The following WSB2 variants were observed in gnomAD, a reference collection of about 807,000 sequenced individuals.
WSB2 encodes the protein WD repeat and SOCS box containing 2, also known as WD repeat and SOCS box-containing protein 2.
In WSB2, 12 loss-of-function variants were observed where a neutral mutation model predicts 48.8. The ratio of observed to expected loss-of-function variants is 0.25; its 90% CI spans 0.16 to 0.40. The LOEUF (loss-of-function observed/expected upper bound fraction) is 0.40. Among genes scored for constraint, WSB2 ranks in the 10% least tolerant of loss-of-function variants. The pLI, the probability that WSB2 is intolerant of heterozygous loss-of-function variation, is 1.00. For synonymous variants in WSB2, 191 were observed against 203.1 expected (o/e 0.94, Z 0.51); for missense variants, 317 against 506.2 (o/e 0.63, Z 3.59).
At chr12:118,039,811 CCGG>C (rs2031591506) in intron 4 of WSB2, among the ~76,000 whole-genome samples, 5 of 150,808 alleles carry the variant, frequency 3.3e-5, no homozygotes, top group Admixed American at 1.3e-4. Flanking sequence ...TGGCATGATC[CCGG>C]CTCACTGCAA....
chr12:118,048,515 G>A (rs1186079184), intron 2 of WSB2, among the ~76,000 whole-genome samples: 5 of 151,716 alleles, frequency 3.3e-5, no homozygotes, highest in Non-Finnish European at 7.4e-5. Flanking sequence ...GAATCCAGGA[G>A]GCAGAGGTTA....
In WSB2 at chr12:118,060,283, C is replaced by T. The variant is rs2032036949; in HGVS notation, c.13+753G>A. ...GGCTGGCTTGAGGTATATCCAATATCCTCTGACTTCCACGCTGTCTTCTGA... is the reference window on the plus strand; with the variant it reads ...GGCTGGCTTGAGGTATATCCAATATTCTCTGACTTCCACGCTGTCTTCTGA... On this transcript the variant is annotated intron_variant, in intron 1 of 8. Transcript: ENST00000315436. The surrounding 1 kb of genome is among the most constrained non-coding windows in gnomAD (Gnocchi z 4.1). Among the ~76,000 whole-genome samples, 1 of 152,080 alleles carries T rather than the reference C, an allele frequency of 6.6e-6. No homozygotes were observed. Among genetic ancestry groups the T allele is most frequent in the South Asian group, 2.1e-4 (1 of 4,826 alleles).
At chr12:118,036,761 T>C (rs2031520558) in intron 5 of WSB2, among the ~76,000 whole-genome samples, 1 of 152,216 alleles carries the variant, frequency 6.6e-6, no homozygotes, top group Non-Finnish European at 1.5e-5. Flanking sequence ...AGATCAGCCT[T>C]AGGAAGACCC....
chr12:118,042,947 G>A lies in WSB2; in HGVS notation c.453C>T (p.Gly151=). Residue 151 remains glycine, a synonymous_variant, in exon 4 of 9, where the codon GGC becomes GGT. Transcript: ENST00000315436. ...QTGLLLLNLS[G]HQDVVRDLSF... ...TCAGATCTCTCACGACATCTTGGTG[G>A]CCGGAAAGATTCAAAAGCAGGAGCC... 1.2e-6 allele frequency: 2 copies of A among 1,614,188 alleles called. No homozygotes were observed. The highest frequency in any genetic ancestry group is 1.7e-6 in the Non-Finnish European group (2 of 1,180,044).
chr12:118,061,460 T>G (rs1593478096), upstream of WSB2, among the ~76,000 whole-genome samples: 1 of 143,742 alleles, frequency 7.0e-6, no homozygotes, highest in African/African-American at 2.6e-5. Context: ...TTGTGCGGGG[T>G]CCTGAGGGGA....
intron 2 of WSB2, among the ~76,000 whole-genome samples, chr12:118,048,706 A>C (rs760295592): frequency 4.6e-5 from 7 of 152,110 alleles, no homozygotes; most frequent in Non-Finnish European, 1.0e-4. Flanking sequence ...ATACTCAAAT[A>C]CCTTTTTTCA....
chr12:118,056,808 G>A (rs186449120), intron 1 of WSB2, among the ~76,000 whole-genome samples: 389 of 152,194 alleles, frequency 2.6e-3, no homozygotes, highest in Non-Finnish European at 4.5e-3. Context: ...GGCTGAGGCA[G>A]GAGAATCACT....
intron 2 of WSB2, 64 bp downstream of exon 2, chr12:118,052,246 A>G (rs987210342): frequency 1.3e-6 from 2 of 1,573,092 alleles, no homozygotes; most frequent in Admixed American, 1.8e-5. Flanking sequence ...GGGCACAGAG[A>G]TGGCAAAAGA....
intron 1 of WSB2, among the ~76,000 whole-genome samples, chr12:118,057,308 T>G (rs2031974397): frequency 6.6e-6 from 1 of 152,054 alleles, no homozygotes; most frequent in South Asian, 2.1e-4. Flanking sequence ...AGAGTCTCAC[T>G]CTGCTGCCCA....
chr12:118,033,991 T>C lies in WSB2; in HGVS notation c.*205A>G. On this transcript the variant is annotated 3_prime_UTR_variant, in exon 9 of 9. Coordinates refer to ENST00000315436, the MANE Select transcript of WSB2 (RefSeq NM_018639.5). ...AGGCTCTGTTGCCGTGCAAGTGGAA[T>C]CTCTTCCTCTAAGACTGACTTTCAC... The C allele has an allele frequency of 1.5e-6, 1 of 646,916 alleles. No homozygotes were observed. The highest frequency in any genetic ancestry group is 2.6e-6 in the Non-Finnish European group (1 of 383,154). The allele number at this position is 646,916 out of a possible 1,614,324, so 40.1% of individuals were successfully genotyped here. A position where few individuals can be genotyped will look rare whatever the true frequency, so the allele number is the denominator to read the frequency against.
intron 1 of WSB2, among the ~76,000 whole-genome samples, chr12:118,057,970 A>G (rs892291973): frequency 2.0e-5 from 3 of 149,736 alleles, no homozygotes; most frequent in East Asian, 4.0e-4. Flanking sequence ...GGGTCTGGCT[A>G]TGTTGACCAA....
rs201888386 is a variant in WSB2, at chr12:118,034,164, C to T, written c.*32G>A. 1 of 1,613,190 alleles carries T rather than the reference C, an allele frequency of 6.2e-7. No individual in the cohort carries two copies. Among genetic ancestry groups the T allele is most frequent in the East Asian group, 2.2e-5 (1 of 44,870 alleles). On this transcript the variant is annotated 3_prime_UTR_variant, in exon 9 of 9. Transcript: ENST00000315436. ...ACTCCCTTTGACAGGACGATTTACCCTGCTACAAAGAAGCACAAGATGTGG... is the reference window on the plus strand; with the variant it reads ...ACTCCCTTTGACAGGACGATTTACCTTGCTACAAAGAAGCACAAGATGTGG...
At chr12:118,036,225 T>C in intron 6 of WSB2, 113 bp downstream of exon 6, 1 of 1,305,362 alleles carries the variant, frequency 7.7e-7, no homozygotes, top group Non-Finnish European at 1.1e-6. Flanking sequence ...TGTGCCTTTT[T>C]ATCCAGCTTG....
At chr12:118,050,160 G>A (rs902286991) in intron 2 of WSB2, among the ~76,000 whole-genome samples, 14 of 151,760 alleles carry the variant, frequency 9.2e-5, no homozygotes, top group African/African-American at 3.1e-4. Flanking sequence ...ACTCCAGCCC[G>A]GGCGACAGAG....
chr12:118,061,098 G>A lies in WSB2; in HGVS notation c.-50C>T. ...CAGGCGGCGGGCGCCTCAGCCCCCC[G>A]GGCCGCGGGCCCTCATGCCGCCCCC... On this transcript the variant is annotated 5_prime_UTR_variant, in exon 1 of 9. Coordinates refer to ENST00000315436, the MANE Select transcript of WSB2 (RefSeq NM_018639.5). 1.0e-6 allele frequency: 1 copy of A among 980,740 alleles called. No homozygotes were observed. The highest frequency in any genetic ancestry group is 1.2e-6 in the Non-Finnish European group (1 of 828,138). 60.8% of individuals were successfully genotyped at this position (980,740 alleles called of 1,614,324 possible). A position where few individuals can be genotyped will look rare whatever the true frequency, so the allele number is the denominator to read the frequency against.
chr12:118,039,163 G>C (rs1172618840), intron 4 of WSB2, among the ~76,000 whole-genome samples: 1 of 152,198 alleles, frequency 6.6e-6, no homozygotes, highest in Non-Finnish European at 1.5e-5. Flanking sequence ...AGGATGTCCA[G>C]ATGAGCAGTG....
In WSB2 at chr12:118,033,763, A is replaced by G. The variant is rs1253279461; in HGVS notation, c.*433T>C. On this transcript the variant is annotated 3_prime_UTR_variant, in exon 9 of 9. Coordinates refer to ENST00000315436, the MANE Select transcript of WSB2 (RefSeq NM_018639.5). Reference sequence around the variant, plus strand: ...GGAGAGAACTTGAACCAATGCTACCACTGCATCAGAAACACAAGGATAGGT... The same window carrying G: ...GGAGAGAACTTGAACCAATGCTACCGCTGCATCAGAAACACAAGGATAGGT... 1 of 164,504 alleles carries G rather than the reference A, an allele frequency of 6.1e-6. No homozygotes were observed. The highest frequency in any genetic ancestry group is 1.3e-5 in the Non-Finnish European group (1 of 75,412). The allele number at this position is 164,504 out of a possible 1,614,324, so 10.2% of individuals were successfully genotyped here. A position where few individuals can be genotyped will look rare whatever the true frequency, so the allele number is the denominator to read the frequency against.
At chr12:118,049,767 T>G (rs1010603854) in intron 2 of WSB2, among the ~76,000 whole-genome samples, 4 of 151,954 alleles carry the variant, frequency 2.6e-5, no homozygotes, top group Non-Finnish European at 2.9e-5. Context: ...CTGCACAAAT[T>G]TATCCCCCTC....
At chr12:118,056,927 C>G (rs1252607495) in intron 1 of WSB2, among the ~76,000 whole-genome samples, 2 of 152,074 alleles carry the variant, frequency 1.3e-5, no homozygotes, top group African/African-American at 4.8e-5. Flanking sequence ...AATAAAGCCC[C>G]TTAAACTCTG....
Sources: allele counts gnomAD v4.1 joint callset (sites outside exome capture counted in the v4.1 genomes callset), GRCh38; gene constraint gnomAD v4.1.1; non-coding constraint Gnocchi (gnomAD v3.1); transcripts MANE v1.5; gene names NCBI Gene and HGNC (gene_info 2026-07-23, HGNC 2026-07-21).